Variants in EYS observed in about 807,000 individuals in gnomAD.
The protein encoded by EYS is protein eyes shut homolog.
A neutral mutation model predicts 282.1 loss-of-function variants in EYS; 250 were observed. The observed-to-expected ratio is 0.89, with a 90% CI of 0.80 to 0.98. The LOEUF (loss-of-function observed/expected upper bound fraction) is 0.98. EYS is among the 50% of genes least tolerant of loss of function. EYS has a pLI of 0.00. For synonymous variants in EYS, 1,355 were observed against 1,282.9 expected (o/e 1.06, Z -1.20); for missense variants, 4,016 against 3,709.0 (o/e 1.08, Z -2.15).
chr6:65,130,983 A>C (rs1775859007), intron 12 of EYS, among the ~76,000 whole-genome samples: 1 of 151,582 alleles, frequency 6.6e-6, no homozygotes, highest in African/African-American at 2.4e-5. Flanking sequence ...TTGGGACATA[A>C]ATGATGAAAG....
intron 14 of EYS, among the ~76,000 whole-genome samples, chr6:64,967,743 C>A (rs1332715812): frequency 6.6e-6 from 1 of 152,172 alleles, no homozygotes; most frequent in African/African-American, 2.4e-5. Context: ...GCTTGGAAAT[C>A]TCCCATTTAT....
intron 2 of EYS, among the ~76,000 whole-genome samples, chr6:65,529,015 C>T (rs568621141): frequency 3.3e-5 from 5 of 151,918 alleles, no homozygotes; most frequent in Non-Finnish European, 7.4e-5. Flanking sequence ...GATGCAGAAG[C>T]AAGTATTACA....
intron 5 of EYS, among the ~76,000 whole-genome samples, chr6:65,487,403 A>C (rs1475832049): frequency 6.6e-6 from 1 of 152,148 alleles, no homozygotes; most frequent in East Asian, 1.9e-4. Flanking sequence ...AATTTTGTCG[A>C]AGGCCTTTTC....
intron 13 of EYS, among the ~76,000 whole-genome samples, chr6:65,053,237 G>C (rs1288178399): frequency 1.3e-5 from 2 of 151,668 alleles, no homozygotes; most frequent in Non-Finnish European, 3.0e-5. Flanking sequence ...CAAAATGTTT[G>C]AACTAGGGTA....
chr6:65,554,667 G>T (rs1012773715), intron 2 of EYS, among the ~76,000 whole-genome samples: 2 of 152,024 alleles, frequency 1.3e-5, no homozygotes, highest in African/African-American at 4.8e-5. Flanking sequence ...CATTTTGCAG[G>T]TACTCAGTTG....
intron 10 of EYS, among the ~76,000 whole-genome samples, chr6:65,342,742 G>A (rs1284633839): frequency 6.6e-6 from 1 of 150,504 alleles, no homozygotes; most frequent in Non-Finnish European, 1.5e-5. Flanking sequence ...TAATCATAAA[G>A]TAATAAAATA....
intron 22 of EYS, among the ~76,000 whole-genome samples, chr6:64,634,816 A>T (rs1767916365): frequency 6.6e-6 from 1 of 152,222 alleles, no homozygotes; most frequent in East Asian, 1.9e-4. Flanking sequence ...TTTTAAGAAC[A>T]TTCAATATAA....
intron 24 of EYS, among the ~76,000 whole-genome samples, chr6:64,596,518 C>A (rs1766592279): frequency 6.6e-6 from 1 of 152,248 alleles, no homozygotes; most frequent in Middle Eastern, 3.4e-3. Flanking sequence ...AAAACAGACA[C>A]ATAGACCAAT....
At chr6:63,752,998 C>G (rs1445143160) in intron 41 of EYS, among the ~76,000 whole-genome samples, 1 of 151,446 alleles carries the variant, frequency 6.6e-6, no homozygotes, top group Non-Finnish European at 1.5e-5. Flanking sequence ...TTAGACTAGT[C>G]TTGTTTGGTC....
chr6:64,599,756 A>C (rs1225545266), intron 24 of EYS, among the ~76,000 whole-genome samples: 1 of 152,136 alleles, frequency 6.6e-6, no homozygotes, highest in African/African-American at 2.4e-5. Context: ...TTTACCTAAG[A>C]AGTGAGGCTC....
intron 14 of EYS, among the ~76,000 whole-genome samples, chr6:64,990,558 A>G (rs190372189): frequency 8.8e-4 from 134 of 151,772 alleles, no homozygotes; most frequent in Admixed American, 2.4e-3. Context: ...GGAAATGGAA[A>G]TAGTATTCAA....
intron 36 of EYS, among the ~76,000 whole-genome samples, chr6:63,826,710 A>G (rs541261506): frequency 3.3e-5 from 5 of 152,250 alleles, no homozygotes; most frequent in African/African-American, 1.2e-4. Context: ...ATTCACCATT[A>G]CCAAGCCATC....
chr6:64,167,335 T>C (rs1019396575), intron 31 of EYS, among the ~76,000 whole-genome samples: 4 of 152,168 alleles, frequency 2.6e-5, no homozygotes, highest in African/African-American at 9.7e-5. Flanking sequence ...ACAATAAGGA[T>C]TGTGATTGTG....
intron 28 of EYS, among the ~76,000 whole-genome samples, chr6:64,409,903 A>C (rs1363478914): frequency 6.6e-6 from 1 of 152,152 alleles, no homozygotes; most frequent in Non-Finnish European, 1.5e-5. Context: ...TTTGGGAGAC[A>C]AAAGGAGGGA....
intron 35 of EYS, among the ~76,000 whole-genome samples, chr6:63,888,749 C>T (rs969955254): frequency 2.0e-5 from 3 of 152,220 alleles, no homozygotes; most frequent in African/African-American, 7.2e-5. Context: ...AGGATCACAA[C>T]TTCGTGTAAG....
At chr6:64,723,265 A>C (rs186538792) in intron 22 of EYS, among the ~76,000 whole-genome samples, 5 of 152,268 alleles carry the variant, frequency 3.3e-5, no homozygotes, top group Admixed American at 1.3e-4. Context: ...GTGCATTTAC[A>C]ACAGGAAAAC....
At chr6:65,208,516 G>A (rs941695711) in intron 12 of EYS, among the ~76,000 whole-genome samples, 2 of 151,864 alleles carry the variant, frequency 1.3e-5, no homozygotes, top group African/African-American at 4.8e-5. Flanking sequence ...GTTTATTGCA[G>A]AGCTGTTCAC....
chr6:64,333,097 A>G (rs554549808), intron 29 of EYS, among the ~76,000 whole-genome samples: 1 of 152,278 alleles, frequency 6.6e-6, no homozygotes, highest in African/African-American at 2.4e-5. Context: ...AGAGACTCAT[A>G]CAGGAACTTG....
At chr6:63,908,662 G>A (rs111610024) in intron 35 of EYS, among the ~76,000 whole-genome samples, 7,921 of 151,918 alleles carry the variant, frequency 0.052, 231 homozygotes, top group African/African-American at 0.072. Context: ...TGTTAGCCAG[G>A]CTAGTCTCGA....
Sources: gnomAD v4.1 joint callset for allele counts (sites outside exome capture counted in the v4.1 genomes callset) on GRCh38, gnomAD v4.1.1 for gene constraint, MANE v1.5 for transcripts, NCBI Gene and HGNC (gene_info 2026-07-23, HGNC 2026-07-21) for gene names.